ADD2: variants seen among roughly 807,000 people sequenced by gnomAD.
ADD2 encodes the protein beta-adducin.
Under a neutral mutation model 83.0 loss-of-function variants are expected in ADD2, and 23 were observed. That is an observed-to-expected ratio of 0.28 (90% CI 0.20 to 0.39). ADD2 has a LOEUF of 0.39. ADD2 is among the 10% of genes least tolerant of loss of function. The pLI is 1.00. For missense variants in ADD2, 758 were observed against 944.9 expected, an observed-to-expected ratio of 0.80 and a Z score of 2.59; for synonymous variants, 375 against 375.4, an observed-to-expected ratio of 1.00 and a Z score of 0.01.
intron 8 of ADD2, 105 bp downstream of exon 8, chr2:70,690,681 C>G: frequency 7.8e-7 from 1 of 1,281,794 alleles, no homozygotes; most frequent in Non-Finnish European, 1.1e-6. Context: ...CTTTTTTTTC[C>G]CCCCTCTCTC....
At chr2:70,726,424 A>G (rs1673005478) in intron 1 of ADD2, among the ~76,000 whole-genome samples, 1 of 152,152 alleles carries the variant, frequency 6.6e-6, no homozygotes, top group Non-Finnish European at 1.5e-5. Context: ...ATTGAATAGC[A>G]GCTCACCCAG....
At position 70,701,576 on chromosome 2, in the gene ADD2, T is replaced by C. The variant is rs1019867198; in HGVS notation, c.322+2745A>G. On this transcript the variant is annotated intron_variant, in intron 4 of 15. Transcript: ENST00000264436. ...TGAAATGAAGGAAGCAAAATGATCA[T>C]GATTTGCAGATTATGTGATTTTTGT... Among the ~76,000 whole-genome samples, 4 of 152,150 alleles carry C rather than the reference T, an allele frequency of 2.6e-5. No homozygotes were observed. In the East Asian group the frequency reaches 5.8e-4, roughly 22 times the overall value.
intron 1 of ADD2, chr2:70,767,630 G>T (rs181430958): frequency 2.3e-6 from 3 of 1,300,288 alleles, no homozygotes; most frequent in Non-Finnish European, 2.9e-6. Context: ...TCCGGGCGAG[G>T]GTCCCACCAT....
intron 3 of ADD2, among the ~76,000 whole-genome samples, chr2:70,705,979 C>T (rs116210460): frequency 1.6e-3 from 249 of 152,326 alleles, no homozygotes; most frequent in African/African-American, 5.6e-3. Context: ...CTGAGGGGGA[C>T]TCCTGTCTCC....
chr2:70,677,679 G>T, intron 12 of ADD2, 79 bp downstream of exon 12: 1 of 1,562,014 alleles, frequency 6.4e-7, no homozygotes. Flanking sequence ...GCACATCCTG[G>T]GAACTCAGCT....
chr2:70,750,475 T>C (rs1286743522), intron 1 of ADD2, among the ~76,000 whole-genome samples: 2 of 152,110 alleles, frequency 1.3e-5, no homozygotes, highest in Non-Finnish European at 2.9e-5. Flanking sequence ...TCAGCATCCT[T>C]ATAAGGAATG....
At chr2:70,764,784 A>G (rs187008863) in intron 1 of ADD2, among the ~76,000 whole-genome samples, 16 of 151,892 alleles carry the variant, frequency 1.1e-4, no homozygotes, top group Admixed American at 9.8e-4. Context: ...ATCCCTACTC[A>G]AACAGTCTGG....
chr2:70,701,772 T>C (rs1324194056), intron 4 of ADD2, among the ~76,000 whole-genome samples: 1 of 152,130 alleles, frequency 6.6e-6, no homozygotes, highest in Non-Finnish European at 1.5e-5. Context: ...GGATAAAGAT[T>C]CACTTAAAAT....
chr2:70,678,898 C>A lies in ADD2; in HGVS notation c.1189G>T (p.Glu397Ter). Residue 397 changes from glutamate (E) to a stop codon, truncating the protein, a stop_gained, in exon 11 of 16, where the codon GAG becomes TAG. Transcript: ENST00000264436. LOFTEE classifies it high-confidence loss of function. ...GTGACCGTGGCTGGAATCTCCACCTCACTTTTGTGTTTGGTTTTCTCTTGA... is the reference window on the plus strand; with the variant it reads ...GTGACCGTGGCTGGAATCTCCACCTAACTTTTGTGTTTGGTTTTCTCTTGA... The part of the protein sequence containing the change: ...FVQEKTKHKS[E>*]VEIPATVTAF... 1.2e-6 allele frequency: 2 copies of A among 1,614,188 alleles called. No individual in the cohort carries two copies. Among genetic ancestry groups the A allele is most frequent in the Non-Finnish European group, 1.7e-6 (2 of 1,180,036 alleles).
chr2:70,757,293 G>C (rs1348800148), intron 1 of ADD2, among the ~76,000 whole-genome samples: 5 of 151,900 alleles, frequency 3.3e-5, no homozygotes, highest in African/African-American at 1.2e-4. Flanking sequence ...ATTTGTGGGG[G>C]GGGGGGATTT....
intron 9 of ADD2, among the ~76,000 whole-genome samples, chr2:70,685,774 G>C (rs1670687744): frequency 6.6e-6 from 1 of 152,268 alleles, no homozygotes. Context: ...GAGAAGAAGA[G>C]AGGGAGAGAC....
chr2:70,687,621 CAA>C (rs1553370731), intron 9 of ADD2, among the ~76,000 whole-genome samples: 5 of 152,092 alleles, frequency 3.3e-5, no homozygotes, highest in South Asian at 2.1e-4. Flanking sequence ...AACAAACAAA[CAA>C]ACAAACAAAC....
chr2:70,666,458 G>T (rs535975390), intron 15 of ADD2, among the ~76,000 whole-genome samples: 20 of 152,308 alleles, frequency 1.3e-4, no homozygotes, highest in African/African-American at 4.8e-4. Flanking sequence ...CCAGGGCTCT[G>T]CAACTTCAAA....
chr2:70,740,902 G>T (rs1475317049), intron 1 of ADD2, among the ~76,000 whole-genome samples: 1 of 152,152 alleles, frequency 6.6e-6, no homozygotes, highest in Non-Finnish European at 1.5e-5. Flanking sequence ...GTTTCACCAT[G>T]TTGGCCAGGC....
intron 1 of ADD2, among the ~76,000 whole-genome samples, chr2:70,732,666 C>T (rs3771421): frequency 6.6e-6 from 1 of 151,908 alleles, no homozygotes; most frequent in Non-Finnish European, 1.5e-5. Context: ...CAGTAAGGTC[C>T]CCGGGGGCTG....
rs1675512994 is a variant in ADD2 at position 70,660,746 on chromosome 2, C to T, written c.*2679G>A. 6.6e-6 allele frequency: 1 copy of T among 152,240 alleles called. No individual in the cohort carries two copies. The highest frequency in any genetic ancestry group is 1.5e-5 in the Non-Finnish European group (1 of 68,060). 9.4% of individuals were successfully genotyped at this position (152,240 alleles called of 1,614,324 possible). On this transcript the variant is annotated 3_prime_UTR_variant, in exon 16 of 16. Transcript: ENST00000264436. ...TCCACACCTTTGCACATTCTTCCCT[C>T]ATTGTGGCATGCCCTGCCAATCCTT... is the stretch of plus-strand genomic sequence containing the variant.
Position 70,692,558 on chromosome 2 carries a change from C to T in ADD2, c.556-6G>A, listed in dbSNP as rs1174196249. 1 of 1,594,192 alleles carries T rather than the reference C, an allele frequency of 6.3e-7. No individual in the cohort carries two copies. The highest frequency in any genetic ancestry group is 2.2e-5 in the East Asian group (1 of 44,556). On this transcript the variant is annotated splice_polypyrimidine_tract_variant and splice_region_variant and intron_variant, in intron 6 of 15. Transcript: ENST00000264436. Reference sequence around the variant, plus strand: ...CCCAGAATGTTCACCTTGATCTGCGCCAGGGAAGAAGAGAGACTTATGGCA... The same window carrying T: ...CCCAGAATGTTCACCTTGATCTGCGTCAGGGAAGAAGAGAGACTTATGGCA...
intron 7 of ADD2, among the ~76,000 whole-genome samples, chr2:70,691,231 C>A (rs1417791871): frequency 6.6e-6 from 1 of 152,200 alleles, no homozygotes; most frequent in Non-Finnish European, 1.5e-5. Flanking sequence ...TCCCACTCCC[C>A]CCACCTCACA....
chr2:70,728,851 T>C (rs1553378792), intron 1 of ADD2, among the ~76,000 whole-genome samples: 1 of 152,182 alleles, frequency 6.6e-6, no homozygotes, highest in African/African-American at 2.4e-5. Context: ...TCCTCCCACA[T>C]AGGCAAGTCC....
Sources: allele counts gnomAD v4.1 joint callset (sites outside exome capture counted in the v4.1 genomes callset), GRCh38; gene constraint gnomAD v4.1.1; transcripts MANE v1.5; gene names NCBI Gene and HGNC (gene_info 2026-07-23, HGNC 2026-07-21).